The following DHX15 variants were observed in gnomAD, a reference collection of about 807,000 sequenced individuals.
DHX15 encodes the protein DEAH-box helicase 15.
DHX15 carries 11 observed loss-of-function variants against 94.4 expected under a neutral mutation model. That is an observed-to-expected ratio of 0.12 (90% confidence interval 0.07 to 0.19). The LOEUF (loss-of-function observed/expected upper bound fraction) is 0.19. Among genes scored for constraint, DHX15 ranks in the 10% least tolerant of loss-of-function variants. The pLI is 1.00. For synonymous variants in DHX15, 338 were observed against 329.9 expected, an observed-to-expected ratio of 1.02 and a Z score of -0.27; for missense variants, 304 against 988.5, an observed-to-expected ratio of 0.31 and a Z score of 9.29.
chr4:24,553,136 A>T (rs1721648352), intron 5 of DHX15, among the ~76,000 whole-genome samples: 1 of 152,046 alleles, frequency 6.6e-6, no homozygotes, highest in South Asian at 2.1e-4. Flanking sequence ...CAGCCTGACC[A>T]ACACGGAGAA....
At chr4:24,555,232 A>G (rs1721703490) in intron 4 of DHX15, among the ~76,000 whole-genome samples, 1 of 152,020 alleles carries the variant, frequency 6.6e-6, no homozygotes, top group Non-Finnish European at 1.5e-5. Context: ...TGCTAAAAGA[A>G]AACATTAATA....
At chr4:24,554,624 T>C (rs1005207251) in intron 5 of DHX15, 101 bp downstream of exon 5, 20 of 901,876 alleles carry the variant, frequency 2.2e-5, no homozygotes, top group Non-Finnish European at 3.4e-5. Flanking sequence ...TTGAAGAACA[T>C]TGAAATAAAA....
chr4:24,556,440 G>A, intron 3 of DHX15, 30 bp from the exon 4 acceptor site: 1 of 1,552,916 alleles, frequency 6.4e-7, no homozygotes, highest in African/African-American at 1.4e-5. Flanking sequence ...TTGGTTAAAG[G>A]TTCCGTTAGG....
intron 3 of DHX15, among the ~76,000 whole-genome samples, chr4:24,559,766 G>A (rs1389518988): frequency 1.3e-5 from 2 of 152,170 alleles, no homozygotes; most frequent in Non-Finnish European, 2.9e-5. Flanking sequence ...CTTGGAACTA[G>A]TAAGAACTAC....
At chr4:24,533,243 T>C (rs1721126041) in intron 11 of DHX15, 189 bp from the exon 12 acceptor site, 1 of 597,618 alleles carries the variant, frequency 1.7e-6, no homozygotes, top group South Asian at 2.1e-5. Flanking sequence ...GATTCAACAT[T>C]AGAAACAGTA....
At chr4:24,536,300 A>G (rs916748451) in intron 11 of DHX15, among the ~76,000 whole-genome samples, 3 of 152,100 alleles carry the variant, frequency 2.0e-5, no homozygotes, top group Non-Finnish European at 4.4e-5. Context: ...TTTTACCACC[A>G]TAAATAATTC....
Position 24,527,982 on chromosome 4 carries a change from T to C in DHX15, c.2330A>G (p.Lys777Arg), listed in dbSNP as rs1007926324. The C allele has an allele frequency of 2.5e-6, 4 of 1,614,088 alleles. No individual in the cohort carries two copies. The highest frequency in any genetic ancestry group is 1.3e-5 in the African/African-American group (1 of 75,054). The stretch of plus-strand genomic sequence containing the variant: ...GGCAATGATGCGGTCCAACTGTCTC[T>C]TTGCTTCACACTGTGGGAAATTGCT... ...DMSNFPQCEA[K>R]RQLDRIIAKL... is the part of the protein sequence containing the mutation. The change falls in exon 14 of 14, where the codon AAG (lysine) becomes AGG (arginine). Residue 777 changes from lysine to arginine, a missense_variant. Lys to Arg is a conservative substitution (Grantham distance 26, BLOSUM62 2). Around this residue, in one of 9 missense-constraint regions of DHX15, gnomAD observed 44 missense variants for 236.7 expected, o/e 0.19. Coordinates refer to ENST00000336812, the MANE Select transcript of DHX15 (RefSeq NM_001358.3).
chr4:24,542,327 G>A (rs920743180), intron 7 of DHX15, among the ~76,000 whole-genome samples: 4 of 152,022 alleles, frequency 2.6e-5, no homozygotes, highest in Non-Finnish European at 5.9e-5. Context: ...TTTATATGCT[G>A]GGCAGTCAAG....
intron 2 of DHX15, among the ~76,000 whole-genome samples, chr4:24,572,900 G>A (rs1312203294): frequency 2.6e-5 from 4 of 152,002 alleles, no homozygotes; most frequent in Non-Finnish European, 5.9e-5. Flanking sequence ...ATTCAAGCCA[G>A]GGATCCGGCT....
At chr4:24,580,234 C>T (rs975395669) in intron 1 of DHX15, among the ~76,000 whole-genome samples, 8 of 151,920 alleles carry the variant, frequency 5.3e-5, no homozygotes, top group African/African-American at 1.9e-4. Context: ...ACAGTGAGAC[C>T]CCATCTCTAC....
chr4:24,559,760 G>C (rs765453780), intron 3 of DHX15, among the ~76,000 whole-genome samples: 57 of 152,038 alleles, frequency 3.7e-4, no homozygotes, highest in Non-Finnish European at 7.4e-4. Flanking sequence ...CATCACCTTG[G>C]AACTAGTAAG....
intron 6 of DHX15, among the ~76,000 whole-genome samples, chr4:24,543,924 C>T (rs1721369945): frequency 6.6e-6 from 1 of 152,080 alleles, no homozygotes. Context: ...TCTGCTTTTA[C>T]CATTTGTAAG....
At chr4:24,574,825 G>A (rs1289553907) in intron 2 of DHX15, among the ~76,000 whole-genome samples, 1 of 152,126 alleles carries the variant, frequency 6.6e-6, no homozygotes, top group African/African-American at 2.4e-5. Flanking sequence ...AGTAAGTTCA[G>A]AGTTACAGTC....
intron 1 of DHX15, chr4:24,580,614 T>C (rs10939000): frequency 0.21 from 32,005 of 151,624 alleles, 3,622 homozygotes; most frequent in East Asian, 0.4. Context: ...GTTCAAGCAA[T>C]TCTCCTGCCT....
chr4:24,529,522 G>A (rs1721033566), intron 13 of DHX15, 79 bp downstream of exon 13: 3 of 1,239,638 alleles, frequency 2.4e-6, no homozygotes, highest in African/African-American at 3.0e-5. Flanking sequence ...TGAATGCAAG[G>A]CCATGACTCT....
chr4:24,565,924 A>G (rs1721981919), intron 3 of DHX15, among the ~76,000 whole-genome samples: 1 of 152,208 alleles, frequency 6.6e-6, no homozygotes, highest in Non-Finnish European at 1.5e-5. Context: ...CATGAGGGCT[A>G]CTTAACACAT....
At chr4:24,559,292 T>C (rs916368593) in intron 3 of DHX15, among the ~76,000 whole-genome samples, 2 of 150,806 alleles carry the variant, frequency 1.3e-5, no homozygotes, top group Non-Finnish European at 2.9e-5. Flanking sequence ...GAGCCTCCAG[T>C]TGGAACTAAC....
chr4:24,530,033 C>A (rs1577330292), intron 12 of DHX15: 1 of 516,640 alleles, frequency 1.9e-6, no homozygotes, highest in East Asian at 3.5e-5. Flanking sequence ...ATACAAAAAA[C>A]ATTCCGTGAA....
At chr4:24,553,590 A>C (rs1056071492) in intron 5 of DHX15, among the ~76,000 whole-genome samples, 1 of 151,622 alleles carries the variant, frequency 6.6e-6, no homozygotes, top group African/African-American at 2.4e-5. Context: ...CCTGGCCAAC[A>C]TAGTGAAACC....
Sources: gnomAD v4.1 joint callset for allele counts (sites outside exome capture counted in the v4.1 genomes callset) on GRCh38, gnomAD v4.1.1 for gene constraint, gnomAD v4.1.1 regional missense constraint, MANE v1.5 for transcripts, NCBI Gene and HGNC (gene_info 2026-07-23, HGNC 2026-07-21) for gene names.